Variants in TDG observed in about 807,000 individuals in gnomAD.
TDG encodes thymine DNA glycosylase.
TDG carries 23 observed loss-of-function variants against 46.1 expected under a neutral mutation model. The ratio of observed to expected loss-of-function variants is 0.50; its 90% CI spans 0.36 to 0.71. The LOEUF is 0.71. TDG is among the 30% of genes least tolerant of loss of function. The pLI, the probability that TDG is intolerant of heterozygous loss-of-function variation, is 0.00. For missense variants in TDG, 304 were observed against 486.7 expected, an observed-to-expected ratio of 0.62 and a Z score of 3.53; for synonymous variants, 115 against 161.3, an observed-to-expected ratio of 0.71 and a Z score of 2.18.
At chr12:103,966,745 G>A (rs2136230000) in intron 1 of TDG, among the ~76,000 whole-genome samples, 1 of 152,284 alleles carries the variant, frequency 6.6e-6, no homozygotes, top group Non-Finnish European at 1.5e-5. Flanking sequence ...AATGGATATG[G>A]TGACAGTTTT....
chr12:103,973,058 T>C, intron 1 of TDG: 1 of 699,994 alleles, frequency 1.4e-6, no homozygotes, highest in East Asian at 2.7e-5. Flanking sequence ...TTCCTGACCA[T>C]GTGACAGAGT....
At chr12:103,978,399 G>T (rs1180008594) in intron 2 of TDG, among the ~76,000 whole-genome samples, 1 of 152,166 alleles carries the variant, frequency 6.6e-6, no homozygotes, top group Non-Finnish European at 1.5e-5. Context: ...TGGTTGGAGA[G>T]AAGTTAATGA....
At chr12:103,985,166 T>TACATACACACACACACACACACACAC (rs1555275231) in intron 8 of TDG, among the ~76,000 whole-genome samples, 1 of 138,506 alleles carries the variant, frequency 7.2e-6, no homozygotes, top group Non-Finnish European at 1.6e-5. Context: ...TATAGACACA[T>TACATACACACACACACACACACACAC]ACACACACAC....
rs767322074 is a variant in TDG, at chr12:103,980,922, T to G, written c.438T>G (p.Ala146=). 4 of 1,613,622 alleles carry G rather than the reference T, an allele frequency of 2.5e-6. No individual in the cohort carries two copies. In the African/African-American group the frequency reaches 5.3e-5, roughly 22 times the overall value. Residue 146 remains alanine (A), a synonymous_variant, in exon 4 of 10, where the codon GCT becomes GCG. Transcript: ENST00000392872. ...GCATAAACCCGGGACTAATGGCTGC[T>G]TACAAAGGGCATCATTACCCTGGAC... ...IIGINPGLMA[A]YKGHHYPGPG...
intron 1 of TDG, among the ~76,000 whole-genome samples, chr12:103,974,582 C>G (rs1871431476): frequency 6.6e-6 from 1 of 152,148 alleles, no homozygotes; most frequent in South Asian, 2.1e-4. Flanking sequence ...TGCCTGGCCT[C>G]ATTTCCCTTT....
rs1464593404 is a variant in TDG at position 103,980,017 on chromosome 12, A to G, written c.353A>G (p.Glu118Gly). ...VDRFNGVSEAELLTKTLPDIL... is the reference protein window; with the variant it reads ...VDRFNGVSEAGLLTKTLPDIL... ...CGTTTTAATGGTGTTTCAGAAGCTG[A>G]ACTTCTGACCAAGACTCTCCCCGAT... The change falls in exon 3 of 10, where the codon GAA (glutamate) becomes GGA (glycine). Residue 118 changes from glutamate to glycine, a missense_variant. Coordinates refer to ENST00000392872, the MANE Select transcript of TDG (RefSeq NM_003211.6). 2 of 1,614,004 alleles carry G rather than the reference A, an allele frequency of 1.2e-6. No homozygotes were observed. Among genetic ancestry groups the G allele is most frequent in the Admixed American group, 1.7e-5 (1 of 60,012 alleles).
intron 1 of TDG, among the ~76,000 whole-genome samples, chr12:103,972,456 A>G (rs765775103): frequency 3.9e-5 from 6 of 152,188 alleles, no homozygotes; most frequent in African/African-American, 7.2e-5. Context: ...ATTCAAGTTT[A>G]TGAAGATTTT....
At chr12:103,980,767 T>C (rs923397243) in intron 3 of TDG, 126 bp from the exon 4 acceptor site, 5 of 712,280 alleles carry the variant, frequency 7.0e-6, no homozygotes, top group Non-Finnish European at 1.2e-5. Flanking sequence ...ATAAATGATA[T>C]TGCTTATGAT....
chr12:103,967,724 T>C (rs1229148432), intron 1 of TDG: 1 of 152,030 alleles, frequency 6.6e-6, no homozygotes, highest in African/African-American at 2.4e-5. Context: ...CCCAAAGTGC[T>C]AGGATTACAA....
chr12:103,971,821 A>G (rs995651966), intron 1 of TDG, among the ~76,000 whole-genome samples: 5 of 152,200 alleles, frequency 3.3e-5, no homozygotes, highest in Non-Finnish European at 7.3e-5. Flanking sequence ...TTGAGTCTAG[A>G]CAGATCTAGT....
chr12:103,986,967 A>T lies in TDG; in HGVS notation c.1110A>T (p.Arg370Ser). The T allele has an allele frequency of 6.2e-7, 1 of 1,614,234 alleles. No homozygotes were observed. The highest frequency in any genetic ancestry group is 8.5e-7 in the Non-Finnish European group (1 of 1,180,040). Residue 370 changes from arginine (R) to serine (S), a missense_variant, in exon 10 of 10, where the codon AGA (arginine) becomes AGT (serine). Physicochemically the swap from Arg to Ser is moderately radical, Grantham distance 110. Coordinates refer to ENST00000392872, the MANE Select transcript of TDG (RefSeq NM_003211.6). ...TGGCAGTTGAGAGCGTGGAGTTAAGAGGAGAATCAGCTTTCAGTGGCATTC... is the reference window on the plus strand; with the variant it reads ...TGGCAGTTGAGAGCGTGGAGTTAAGTGGAGAATCAGCTTTCAGTGGCATTC... ...SNGLIESVEL[R>S]GESAFSGIPN...
intron 4 of TDG, among the ~76,000 whole-genome samples, chr12:103,981,279 A>G (rs1433446658): frequency 8.8e-5 from 11 of 124,394 alleles, no homozygotes; most frequent in African/African-American, 3.5e-4. Flanking sequence ...CTTTTTGCGC[A>G]GACTGGAGTG....
chr12:103,972,638 C>T (rs1432419427), intron 1 of TDG, among the ~76,000 whole-genome samples: 1 of 152,064 alleles, frequency 6.6e-6, no homozygotes, highest in Non-Finnish European at 1.5e-5. Context: ...TTTCCTTTAC[C>T]TGTTCTAATT....
rs1193566607 is a variant in TDG at position 103,987,113 on chromosome 12, T to A, written c.*23T>A. 6.2e-7 allele frequency: 1 copy of A among 1,608,082 alleles called. No homozygotes were observed. Among genetic ancestry groups the A allele is most frequent in the Non-Finnish European group, 8.5e-7 (1 of 1,175,954 alleles). On this transcript the variant is annotated 3_prime_UTR_variant, in exon 10 of 10. Transcript: ENST00000392872. ...TAAGAATGGTGCTTCTCAGCTCTGC[T>A]TAAATGCTGCAGTTTTAATGCAGTT...
intron 1 of TDG, among the ~76,000 whole-genome samples, chr12:103,971,726 A>G (rs1324206047): frequency 1.3e-5 from 2 of 152,194 alleles, no homozygotes; most frequent in Admixed American, 1.3e-4. Flanking sequence ...GGGGAAGAAA[A>G]GTGAACGAAG....
chr12:103,972,577 G>A (rs751900368), intron 1 of TDG, among the ~76,000 whole-genome samples: 3 of 152,144 alleles, frequency 2.0e-5, no homozygotes, highest in Admixed American at 1.3e-4. Flanking sequence ...TTTAATGCTC[G>A]AAGATAGTGT....
At chr12:103,976,792 T>G (rs1161521450) in intron 1 of TDG, 126 bp from the exon 2 acceptor site, 1 of 1,189,386 alleles carries the variant, frequency 8.4e-7, no homozygotes, top group African/African-American at 1.5e-5. Flanking sequence ...TAATCCACTC[T>G]AAATAAATAC....
intron 1 of TDG, among the ~76,000 whole-genome samples, chr12:103,969,795 T>C (rs1361814530): frequency 6.6e-6 from 1 of 152,200 alleles, no homozygotes; most frequent in East Asian, 1.9e-4. Context: ...CTGCAGTTTG[T>C]CTCCAAAATG....
chr12:103,966,393 G>A (rs937958635), intron 1 of TDG, among the ~76,000 whole-genome samples: 1 of 152,130 alleles, frequency 6.6e-6, no homozygotes, highest in Non-Finnish European at 1.5e-5. Context: ...AGGGTTTTCC[G>A]TCACCCTCCA....
Sources: allele counts gnomAD v4.1 joint callset (sites outside exome capture counted in the v4.1 genomes callset), GRCh38; gene constraint gnomAD v4.1.1; transcripts MANE v1.5; gene names NCBI Gene and HGNC (gene_info 2026-07-23, HGNC 2026-07-21).